Variants in IQSEC1 observed in about 807,000 individuals in gnomAD.
IQSEC1 encodes the protein IQ motif and Sec7 domain ArfGEF 1.
In IQSEC1, 31 loss-of-function variants were observed where a neutral mutation model predicts 91.0. The ratio of observed to expected loss-of-function variants is 0.34; its 90% CI spans 0.26 to 0.46. IQSEC1 has a LOEUF of 0.46. Ranked by LOEUF, IQSEC1 falls within the 20% of genes least tolerant of loss-of-function variation. The pLI is 1.00. For missense variants in IQSEC1, 1,388 were observed against 1,575.6 expected (o/e 0.88, Z 2.02); for synonymous variants, 699 against 662.6 (o/e 1.05, Z -0.84).
chr3:13,205,078 G>A (rs1374186775), intron 1 of IQSEC1, among the ~76,000 whole-genome samples: 2 of 152,066 alleles, frequency 1.3e-5, no homozygotes, highest in Non-Finnish European at 2.9e-5. Flanking sequence ...GATTACAGGT[G>A]TGAGCCACCG....
intron 1 of IQSEC1, among the ~76,000 whole-genome samples, chr3:12,952,096 A>G (rs561691041): frequency 3.9e-5 from 6 of 152,188 alleles, no homozygotes; most frequent in Non-Finnish European, 7.4e-5. Flanking sequence ...TCACCCCTAC[A>G]GGGCGTGGCG....
chr3:13,220,352 G>A lies in IQSEC1; in HGVS notation c.273-56219C>T, dbSNP rs563219948. On this transcript the variant is annotated intron_variant, in intron 1 of 15. Coordinates refer to the IQSEC1 transcript ENST00000648114. The stretch of plus-strand genomic sequence containing the variant: ...TGCCAATTTGAGACTTGGGGCCCAG[G>A]AGAAGAATGGGGGCAAAGAAGGGGG... 8.1e-4 allele frequency among the ~76,000 whole-genome samples: 123 copies of A among 152,322 alleles called. No homozygotes were observed. The Middle Eastern group carries it at 0.01, about 13-fold the overall frequency.
intron 1 of IQSEC1, among the ~76,000 whole-genome samples, chr3:13,217,567 G>A (rs1694574491): frequency 6.6e-6 from 1 of 152,092 alleles, no homozygotes; most frequent in Non-Finnish European, 1.5e-5. Flanking sequence ...GCATAATGGA[G>A]GCACCTCCAC....
At chr3:13,047,162 C>T (rs916077322) in intron 1 of IQSEC1, among the ~76,000 whole-genome samples, 1 of 152,194 alleles carries the variant, frequency 6.6e-6, no homozygotes, top group African/African-American at 2.4e-5. Context: ...ACCCACCAGC[C>T]TTGGATCTCG....
At chr3:13,162,377 C>T (rs957272161) in intron 2 of IQSEC1, among the ~76,000 whole-genome samples, 3 of 152,220 alleles carry the variant, frequency 2.0e-5, no homozygotes, top group African/African-American at 4.8e-5. Flanking sequence ...GCAGCCCCTC[C>T]GAGTCCATGT....
intron 1 of IQSEC1, among the ~76,000 whole-genome samples, chr3:13,043,197 C>T (rs776105224): frequency 2.6e-5 from 4 of 152,212 alleles, no homozygotes; most frequent in African/African-American, 4.8e-5. Flanking sequence ...GACAACCAGG[C>T]GCATTGTTGG....
At chr3:13,001,020 G>A (rs1054022474) in intron 1 of IQSEC1, among the ~76,000 whole-genome samples, 11 of 142,746 alleles carry the variant, frequency 7.7e-5, no homozygotes, top group Admixed American at 2.9e-4. Flanking sequence ...GCTCGACTTT[G>A]GCTCCCTGCA....
chr3:13,004,980 A>G (rs1344135649), intron 1 of IQSEC1, among the ~76,000 whole-genome samples: 1 of 152,216 alleles, frequency 6.6e-6, no homozygotes, highest in Non-Finnish European at 1.5e-5. Context: ...ATGTGCAGCC[A>G]ACACTGCTGG....
chr3:13,096,300 G>T (rs1475266494), intron 2 of IQSEC1, among the ~76,000 whole-genome samples: 1 of 152,234 alleles, frequency 6.6e-6, no homozygotes, highest in African/African-American at 2.4e-5. Flanking sequence ...CTTGGAGGTG[G>T]GGCATGTGGG....
rs77242991 is a variant in IQSEC1, at chr3:12,910,044, G to A, written c.2417-610C>T. Among the ~76,000 whole-genome samples, 29 of 152,346 alleles carry A rather than the reference G, an allele frequency of 1.9e-4. No individual in the cohort carries two copies. In the East Asian group the frequency reaches 1.9e-3, roughly 10 times the overall value. On this transcript the variant is annotated intron_variant, in intron 10 of 13. Coordinates refer to ENST00000613206, the MANE Select transcript of IQSEC1 (RefSeq NM_001134382.3). Reference sequence around the variant, plus strand: ...GTGGGCAGCTGCAGAGTGCTCCTGTGTGCATATGTGTGCACATGTATGTAT... The same window carrying A: ...GTGGGCAGCTGCAGAGTGCTCCTGTATGCATATGTGTGCACATGTATGTAT...
At chr3:13,283,161 C>T (rs1338401559) in exon 1 of IQSEC1, among the ~76,000 whole-genome samples, 3 of 145,438 alleles carry the variant, frequency 2.1e-5, no homozygotes, top group Non-Finnish European at 3.1e-5. Flanking sequence ...CTGCTCCCCG[C>T]GCCGCCGCGC....
At chr3:12,916,639 A>G (rs994056881) in intron 6 of IQSEC1, among the ~76,000 whole-genome samples, 1 of 152,210 alleles carries the variant, frequency 6.6e-6, no homozygotes, top group Non-Finnish European at 1.5e-5. Context: ...GACAAGTTCT[A>G]GCACCCTCTG....
chr3:13,091,329 CACTGAAG>C (rs1282799505), intron 2 of IQSEC1, among the ~76,000 whole-genome samples: 1 of 152,254 alleles, frequency 6.6e-6, no homozygotes, highest in Non-Finnish European at 1.5e-5. Context: ...CTGTTTTATT[CACTGAAG>C]CAGGCTCAAG....
chr3:13,173,846 AT>A (rs554685529), intron 1 of IQSEC1, among the ~76,000 whole-genome samples: 71 of 152,272 alleles, frequency 4.7e-4, no homozygotes, highest in South Asian at 4.4e-3. Flanking sequence ...AGAAATGCAA[AT>A]TCTCTGGCTC....
intron 1 of IQSEC1, among the ~76,000 whole-genome samples, chr3:13,267,691 C>T (rs1695518521): frequency 6.6e-6 from 1 of 151,292 alleles, no homozygotes; most frequent in Non-Finnish European, 1.5e-5. Context: ...CATCTCCGCT[C>T]ACTGCAAGCT....
At chr3:13,137,460 T>C (rs930572110) in intron 2 of IQSEC1, among the ~76,000 whole-genome samples, 1 of 152,198 alleles carries the variant, frequency 6.6e-6, no homozygotes, top group South Asian at 2.1e-4. Context: ...ACCATTTCCA[T>C]AAAACTCATC....
At chr3:13,057,279 C>T (rs1424020590) in intron 1 of IQSEC1, among the ~76,000 whole-genome samples, 5 of 152,228 alleles carry the variant, frequency 3.3e-5, no homozygotes, top group Admixed American at 3.3e-4. Flanking sequence ...GCTGCCCTCC[C>T]AGACCTGAGC....
rs192221773 is a variant in IQSEC1, at chr3:12,918,196, G to A, written c.2020+2234C>T. On this transcript the variant is annotated intron_variant, in intron 6 of 13. Transcript: ENST00000613206. ...ATGAGAAAGAATGTCCCTGAGCTCT[G>A]GGCTGAAAAGGGGTGACTTGGTGGG... is the stretch of plus-strand genomic sequence containing the variant. Among the ~76,000 whole-genome samples the A allele has an allele frequency of 4.2e-3, 637 of 152,330 alleles. 3 individuals are homozygous for A. Among genetic ancestry groups the A allele is most frequent in the Middle Eastern group, 0.01 (3 of 294 alleles).
rs1305824435 is a variant in IQSEC1 at position 12,919,707 on chromosome 3, T to TG, written c.2020+722dup. Among the ~76,000 whole-genome samples the TG allele has an allele frequency of 2.0e-5, 3 of 152,344 alleles. No individual in the cohort carries two copies. The East Asian group carries it at 5.8e-4, about 29-fold the overall frequency. On this transcript the variant is annotated intron_variant, in intron 6 of 13. Coordinates refer to ENST00000613206, the MANE Select transcript of IQSEC1 (RefSeq NM_001134382.3). The stretch of plus-strand genomic sequence containing the variant: ...CTGTTTTCAACCCACCCTCAGCTCT[T>TG]GCAGCCAGGGTTCCCACAGGGACTG...
Sources: gnomAD v4.1 joint callset for allele counts (sites outside exome capture counted in the v4.1 genomes callset) on GRCh38, gnomAD v4.1.1 for gene constraint, MANE v1.5 for transcripts, NCBI Gene and HGNC (gene_info 2026-07-23, HGNC 2026-07-21) for gene names.